The following AFAP1 variants were observed in gnomAD, a reference collection of about 807,000 sequenced individuals.
The protein encoded by AFAP1 is actin filament-associated protein 1.
In AFAP1, 75 loss-of-function variants were observed where a neutral mutation model predicts 93.9. That is an observed-to-expected ratio of 0.80 (90% CI 0.66 to 0.97). The LOEUF is 0.97. Among genes scored for constraint, AFAP1 ranks in the 50% least tolerant of loss-of-function variants. The pLI is 0.00. For synonymous variants in AFAP1, 517 were observed against 430.7 expected (o/e 1.20, Z -2.48); for missense variants, 1,201 against 1,050.8 (o/e 1.14, Z -1.98).
chr4:7,879,417 C>T (rs1717708076), intron 1 of AFAP1, among the ~76,000 whole-genome samples: 1 of 152,158 alleles, frequency 6.6e-6, no homozygotes, highest in Non-Finnish European at 1.5e-5. Context: ...GTTCGACACC[C>T]CAGCCCCGAC....
intron 4 of AFAP1, among the ~76,000 whole-genome samples, chr4:7,846,459 A>AG (rs987775663): frequency 1.3e-5 from 2 of 152,176 alleles, no homozygotes; most frequent in African/African-American, 4.8e-5. Flanking sequence ...GGGGTTCTGG[A>AG]GGGGCCATGG....
intron 10 of AFAP1, among the ~76,000 whole-genome samples, chr4:7,797,529 G>A (rs576439560): frequency 6.6e-6 from 1 of 152,282 alleles, no homozygotes; most frequent in Admixed American, 6.5e-5. Context: ...CAGCAGACGC[G>A]CCCAAACCTG....
intron 4 of AFAP1, 82 bp downstream of exon 4, chr4:7,855,384 T>C: frequency 8.8e-7 from 1 of 1,134,098 alleles, no homozygotes; most frequent in Non-Finnish European, 1.3e-6. Context: ...CCTGTTGCCC[T>C]TCCTACCCAG....
intron 4 of AFAP1, among the ~76,000 whole-genome samples, chr4:7,845,961 G>A (rs1057461732): frequency 1.1e-4 from 17 of 152,060 alleles, no homozygotes; most frequent in Admixed American, 9.8e-4. Context: ...AGCATATGCA[G>A]GGGCACAGGG....
intron 14 of AFAP1, 167 bp from the exon 15 acceptor site, chr4:7,775,070 G>T: frequency 1.3e-6 from 1 of 767,812 alleles, no homozygotes; most frequent in Non-Finnish European, 2.0e-6. Context: ...GAGCTTGGGA[G>T]CTTGAGGCTG....
intron 1 of AFAP1, among the ~76,000 whole-genome samples, chr4:7,876,062 T>C (rs1202917221): frequency 2.6e-5 from 4 of 152,352 alleles, no homozygotes; most frequent in South Asian, 2.1e-4. Context: ...AGGTAAAATG[T>C]ATGCTATGCA....
intron 3 of AFAP1, among the ~76,000 whole-genome samples, chr4:7,860,656 T>C (rs1443546884): frequency 6.6e-6 from 1 of 151,978 alleles, no homozygotes; most frequent in East Asian, 1.9e-4. Flanking sequence ...TCAGCCAGAG[T>C]GGGCACGGCC....
intron 6 of AFAP1, among the ~76,000 whole-genome samples, chr4:7,830,648 A>T (rs938689315): frequency 5.3e-5 from 8 of 152,126 alleles, no homozygotes; most frequent in African/African-American, 1.4e-4. Context: ...TCATTCTGTC[A>T]CCCAGGCTGG....
At chr4:7,805,987 GGA>G (rs1239073841) in intron 9 of AFAP1, among the ~76,000 whole-genome samples, 1 of 152,170 alleles carries the variant, frequency 6.6e-6, no homozygotes, top group African/African-American at 2.4e-5. Flanking sequence ...AGCCACAGGC[GGA>G]AATAGGGATG....
In AFAP1 at chr4:7,772,809, A is replaced by G; in HGVS notation, c.2253+11T>C. 7.4e-6 allele frequency: 12 copies of G among 1,611,186 alleles called. No homozygotes were observed. Among genetic ancestry groups the G allele is most frequent in the Non-Finnish European group, 9.3e-6 (11 of 1,178,232 alleles). On this transcript the variant is annotated intron_variant, in intron 16 of 17. Transcript: ENST00000420658. ...GCGCCAGCCTCCGAGGTGAGCCAGA[A>G]GGACACACACCTGTGGACTCGATGT...
chr4:7,779,248 T>G, intron 13 of AFAP1: 1 of 203,438 alleles, frequency 4.9e-6, no homozygotes, highest in Non-Finnish European at 1.0e-5. Flanking sequence ...TTTATTTCAG[T>G]GGGATGCCTT....
At chr4:7,803,556 A>G (rs1719238136) in intron 9 of AFAP1, among the ~76,000 whole-genome samples, 1 of 151,494 alleles carries the variant, frequency 6.6e-6, no homozygotes, top group Admixed American at 6.6e-5. Flanking sequence ...CCCCAACCAC[A>G]GAGGACCCAG....
intron 1 of AFAP1, among the ~76,000 whole-genome samples, chr4:7,932,243 C>A (rs1289574887): frequency 6.6e-6 from 1 of 150,880 alleles, no homozygotes; most frequent in Admixed American, 6.7e-5. Context: ...AAAAAAAAAT[C>A]AAAAACACCC....
chr4:7,841,456 C>T (rs547562444), intron 5 of AFAP1, among the ~76,000 whole-genome samples: 3 of 152,326 alleles, frequency 2.0e-5, no homozygotes, highest in Admixed American at 2.0e-4. Context: ...CATCACAGTA[C>T]CCACCCCAGA....
At position 7,761,999 on chromosome 4, in the gene AFAP1, G is replaced by A. The variant is rs1311133351; in HGVS notation, c.*1766C>T. 2 of 152,262 alleles carry A rather than the reference G, an allele frequency of 1.3e-5. No homozygotes were observed. The highest frequency in any genetic ancestry group is 4.8e-5 in the African/African-American group (2 of 41,448). 9.4% of individuals were successfully genotyped at this position (152,262 alleles called of 1,614,324 possible). A position where few individuals can be genotyped will look rare whatever the true frequency, so the allele number is the denominator to read the frequency against. Reference sequence around the variant, plus strand: ...AACGTGCATCAGAGGGGAAAGAAAGGCTGGCTGATGGCTCAGGAACCCAAA... The same window carrying A: ...AACGTGCATCAGAGGGGAAAGAAAGACTGGCTGATGGCTCAGGAACCCAAA... On this transcript the variant is annotated 3_prime_UTR_variant, in exon 18 of 18. Transcript: ENST00000420658.
intron 16 of AFAP1, 24 bp from the exon 17 acceptor site, chr4:7,769,032 T>C (rs761258356): frequency 1.3e-5 from 20 of 1,571,148 alleles, no homozygotes; most frequent in Admixed American, 1.8e-5. Context: ...GAGAACCCCA[T>C]GTGATGAGCG....
At chr4:7,807,972 G>T (rs1719674732) in intron 9 of AFAP1, among the ~76,000 whole-genome samples, 1 of 152,192 alleles carries the variant, frequency 6.6e-6, no homozygotes, top group Non-Finnish European at 1.5e-5. Context: ...ATCTTTGTGT[G>T]TATAGCCCCA....
chr4:7,876,384 C>T (rs758356255), intron 1 of AFAP1, among the ~76,000 whole-genome samples: 6 of 152,226 alleles, frequency 3.9e-5, no homozygotes, highest in Non-Finnish European at 5.9e-5. Flanking sequence ...GTTAATTGGA[C>T]GGCCGGATTC....
intron 1 of AFAP1, among the ~76,000 whole-genome samples, chr4:7,886,228 G>T (rs1476776395): frequency 6.6e-6 from 1 of 152,178 alleles, no homozygotes; most frequent in African/African-American, 2.4e-5. Context: ...TGTATAATGT[G>T]GGGATAATAA....
Sources: allele counts gnomAD v4.1 joint callset (sites outside exome capture counted in the v4.1 genomes callset), GRCh38; gene constraint gnomAD v4.1.1; transcripts MANE v1.5; gene names NCBI Gene and HGNC (gene_info 2026-07-23, HGNC 2026-07-21).